CNTNAP5: variants seen among roughly 807,000 people sequenced by gnomAD.
The protein encoded by CNTNAP5 is contactin associated protein family member 5, also known as contactin-associated protein-like 5.
Under a neutral mutation model 150.2 loss-of-function variants are expected in CNTNAP5, and 72 were observed. That is an observed-to-expected ratio of 0.48 (90% CI 0.40 to 0.58). The LOEUF is 0.58. CNTNAP5 is among the 20% of genes least tolerant of loss of function. The pLI is 0.00. For missense variants in CNTNAP5, 1,636 were observed against 1,626.2 expected (o/e 1.01, Z -0.10); for synonymous variants, 672 against 619.8 (o/e 1.08, Z -1.25).
intron 13 of CNTNAP5, among the ~76,000 whole-genome samples, chr2:124,708,855 C>T (rs1165453387): frequency 6.6e-6 from 1 of 152,148 alleles, no homozygotes; most frequent in African/African-American, 2.4e-5. Context: ...TGTTTATGTC[C>T]ATGCTATCTT....
chr2:124,619,885 A>ATATATATT, intron 12 of CNTNAP5, among the ~76,000 whole-genome samples: 2 of 94,780 alleles, frequency 2.1e-5, no homozygotes, highest in African/African-American at 9.2e-5. Flanking sequence ...ATATATATAT[A>ATATATATT]CTCCTTCTCT....
At position 124,918,175 on chromosome 2, in the gene CNTNAP5, C is replaced by T. The variant is rs1678806545; in HGVS notation, c.*3887C>T. Among the ~76,000 whole-genome samples the T allele has an allele frequency of 6.6e-6, 1 of 152,004 alleles. No individual in the cohort carries two copies. Among genetic ancestry groups the T allele is most frequent in the Admixed American group, 6.6e-5 (1 of 15,248 alleles). On this transcript the variant is annotated 3_prime_UTR_variant, in exon 24 of 24. Transcript: ENST00000682447. ...CATGAGTTGGACCTAAGAGTGTCCA[C>T]TTTGGCCCCTCTCCTTCCCTTTTCT...
intron 19 of CNTNAP5, among the ~76,000 whole-genome samples, chr2:124,841,518 G>C (rs990150533): frequency 6.6e-6 from 1 of 151,818 alleles, no homozygotes; most frequent in Non-Finnish European, 1.5e-5. Context: ...AGGTCTTCAA[G>C]ACCCTAATTC....
intron 17 of CNTNAP5, among the ~76,000 whole-genome samples, chr2:124,775,456 T>A (rs934816854): frequency 6.6e-6 from 1 of 152,188 alleles, no homozygotes; most frequent in Non-Finnish European, 1.5e-5. Context: ...TATGTCTGTC[T>A]AGATATCTTT....
chr2:124,341,861 G>A (rs1689625962), intron 3 of CNTNAP5, among the ~76,000 whole-genome samples: 1 of 152,070 alleles, frequency 6.6e-6, no homozygotes, highest in Non-Finnish European at 1.5e-5. Context: ...TTCCCTGAAG[G>A]TTATATCAAG....
intron 13 of CNTNAP5, among the ~76,000 whole-genome samples, chr2:124,673,544 A>G (rs574743675): frequency 1.6e-4 from 24 of 152,102 alleles, no homozygotes; most frequent in South Asian, 4.1e-4. Context: ...TAATATTTCC[A>G]ACAGGCTTTG....
At chr2:124,536,398 C>A (rs1321575429) in intron 10 of CNTNAP5, among the ~76,000 whole-genome samples, 1 of 152,092 alleles carries the variant, frequency 6.6e-6, no homozygotes, top group African/African-American at 2.4e-5. Context: ...TCTCAGACAG[C>A]AACCCAATTC....
At chr2:124,841,739 C>G (rs180810610) in intron 19 of CNTNAP5, among the ~76,000 whole-genome samples, 2 of 152,208 alleles carry the variant, frequency 1.3e-5, no homozygotes, top group Non-Finnish European at 2.9e-5. Context: ...CAGGTGTTGA[C>G]TATCTGCCTG....
At chr2:124,257,915 C>T (rs776939571) in intron 3 of CNTNAP5, among the ~76,000 whole-genome samples, 7 of 152,038 alleles carry the variant, frequency 4.6e-5, no homozygotes, top group Non-Finnish European at 7.4e-5. Context: ...GTGATAAAAC[C>T]GAAATGTTCT....
rs1003030061 is a variant in CNTNAP5, at chr2:124,071,924, A to T, written c.82+46192A>T. 2.6e-5 allele frequency among the ~76,000 whole-genome samples: 4 copies of T among 151,988 alleles called. No individual in the cohort carries two copies. In the South Asian group the frequency reaches 6.2e-4, roughly 24 times the overall value. ...TGATACCAAACCCAGACAAAGACAC[A>T]TCAAAAAAGAAAACTACAGGCCAAT... On this transcript the variant is annotated intron_variant, in intron 1 of 23. Coordinates refer to ENST00000682447, the MANE Select transcript of CNTNAP5 (RefSeq NM_001367498.1).
At chr2:124,368,783 G>C (rs720121) in intron 3 of CNTNAP5, among the ~76,000 whole-genome samples, 7,981 of 152,130 alleles carry the variant, frequency 0.052, 309 homozygotes, top group Middle Eastern at 0.099. Flanking sequence ...TGCATATACT[G>C]TGTTATTATT....
chr2:124,651,380 A>C (rs1678319414), intron 13 of CNTNAP5, among the ~76,000 whole-genome samples: 1 of 152,218 alleles, frequency 6.6e-6, no homozygotes, highest in Non-Finnish European at 1.5e-5. Flanking sequence ...AAAATGAAAG[A>C]CAAAGAAATA....
chr2:124,121,301 A>G (rs1683555610), intron 1 of CNTNAP5, among the ~76,000 whole-genome samples: 1 of 152,144 alleles, frequency 6.6e-6, no homozygotes, highest in Non-Finnish European at 1.5e-5. Flanking sequence ...TTTAAATCAC[A>G]CTTCATCAGT....
chr2:124,142,092 A>G (rs1050919910), intron 1 of CNTNAP5, among the ~76,000 whole-genome samples: 5 of 147,540 alleles, frequency 3.4e-5, no homozygotes, highest in East Asian at 2.0e-4. Context: ...GGCGCTAACT[A>G]TCCTAAATAT....
chr2:124,292,235 A>G (rs1688314560), intron 3 of CNTNAP5, among the ~76,000 whole-genome samples: 1 of 152,056 alleles, frequency 6.6e-6, no homozygotes, highest in Non-Finnish European at 1.5e-5. Context: ...CAGTATCTTT[A>G]AGACCCTTAG....
At chr2:124,507,279 C>T (rs925959540) in intron 8 of CNTNAP5, among the ~76,000 whole-genome samples, 2 of 152,018 alleles carry the variant, frequency 1.3e-5, no homozygotes, top group African/African-American at 4.8e-5. Context: ...AGTAACATGG[C>T]AAAACCCCAT....
intron 3 of CNTNAP5, among the ~76,000 whole-genome samples, chr2:124,292,787 T>C: frequency 6.6e-6 from 1 of 152,100 alleles, no homozygotes; most frequent in East Asian, 1.9e-4. Flanking sequence ...TTTTTCTGAA[T>C]TTTGCAGAGA....
intron 7 of CNTNAP5, among the ~76,000 whole-genome samples, chr2:124,489,800 C>A (rs183489130): frequency 2.0e-5 from 3 of 152,206 alleles, no homozygotes; most frequent in African/African-American, 4.8e-5. Flanking sequence ...TGCCAGGCTG[C>A]AGAAGAAAGG....
intron 11 of CNTNAP5, among the ~76,000 whole-genome samples, chr2:124,565,996 C>T (rs1270544905): frequency 2.0e-5 from 3 of 149,084 alleles, no homozygotes; most frequent in Non-Finnish European, 4.4e-5. Flanking sequence ...CTAATGAACT[C>T]TTGTGGGTCC....
Sources: allele counts gnomAD v4.1 joint callset (sites outside exome capture counted in the v4.1 genomes callset), GRCh38; gene constraint gnomAD v4.1.1; transcripts MANE v1.5; gene names NCBI Gene and HGNC (gene_info 2026-07-23, HGNC 2026-07-21).